VPS13C: variants seen among roughly 807,000 people sequenced by gnomAD.
VPS13C encodes the protein intermembrane lipid transfer protein VPS13C.
In VPS13C, 358 loss-of-function variants were observed where a neutral mutation model predicts 456.8. The ratio of observed to expected loss-of-function variants is 0.78; its 90% CI spans 0.72 to 0.86. The LOEUF is 0.86. VPS13C is among the 40% of genes least tolerant of loss of function. The pLI is 0.00. For synonymous variants in VPS13C, 1,578 were observed against 1,486.7 expected, an observed-to-expected ratio of 1.06 and a Z score of -1.41; for missense variants, 4,818 against 4,385.4, an observed-to-expected ratio of 1.10 and a Z score of -2.79.
chr15:62,009,265 C>T (rs1174744689), intron 13 of VPS13C, among the ~76,000 whole-genome samples: 1 of 151,898 alleles, frequency 6.6e-6, no homozygotes, highest in Non-Finnish European at 1.5e-5. Context: ...TTTAAGCAGC[C>T]ATCTTACCAT....
chr15:61,873,142 C>T, intron 78 of VPS13C, 104 bp downstream of exon 78: 1 of 1,493,010 alleles, frequency 6.7e-7, no homozygotes, highest in Non-Finnish European at 9.0e-7. Flanking sequence ...CTTTCTATTC[C>T]TACAGGCCTA....
At chr15:61,877,821 T>C (rs1218298542) in intron 74 of VPS13C, among the ~76,000 whole-genome samples, 2 of 151,966 alleles carry the variant, frequency 1.3e-5, no homozygotes, top group East Asian at 1.9e-4. Flanking sequence ...CTTTGATAAA[T>C]AATAACGCCA....
intron 78 of VPS13C, among the ~76,000 whole-genome samples, chr15:61,872,775 C>A (rs760678326): frequency 2.0e-5 from 3 of 151,968 alleles, no homozygotes; most frequent in Non-Finnish European, 4.4e-5. Flanking sequence ...CTTTTAAGTT[C>A]TTATAATTAT....
chr15:61,933,698 T>G (rs902121994), intron 49 of VPS13C, among the ~76,000 whole-genome samples: 9 of 152,052 alleles, frequency 5.9e-5, no homozygotes, highest in Non-Finnish European at 1.5e-5. Flanking sequence ...TTAGTTCAAA[T>G]CATCATGGCA....
In VPS13C at chr15:62,041,358, C is replaced by T; in HGVS notation, c.153G>A (p.Leu51=). 2 of 1,605,448 alleles carry T rather than the reference C, an allele frequency of 1.2e-6. No individual in the cohort carries two copies. The highest frequency in any genetic ancestry group is 1.7e-6 in the Non-Finnish European group (2 of 1,177,926). Reference sequence around the variant, plus strand: ...CAGCCTTGACTTTAAAAGGAACATCCAATTCACTCTTCAGAAGAAAGAGAA... The same window carrying T: ...CAGCCTTGACTTTAAAAGGAACATCTAATTCACTCTTCAGAAGAAAGAGAA... ...LQIKENALSE[L]DVPFKVKAGQ... Residue 51 remains leucine, a synonymous_variant, in exon 3 of 85, where the codon TTG becomes TTA. Transcript: ENST00000644861.
At chr15:62,060,200 G>A (rs2048953154) in intron 1 of VPS13C, 75 bp downstream of exon 1, 3 of 805,202 alleles carry the variant, frequency 3.7e-6, no homozygotes, top group Non-Finnish European at 6.0e-6. Flanking sequence ...CAGGGCCCGG[G>A]CAGAATCCCG....
rs1211715604 is a variant in VPS13C, at chr15:61,883,733, C to T, written c.9483+395G>A. 1.7e-4 allele frequency among the ~76,000 whole-genome samples: 26 copies of T among 152,068 alleles called. 1 individual carries two copies. In the East Asian group the frequency reaches 1.7e-3, roughly 10 times the overall value. ...CCTCAATGAAATATGTAATTTTACA[C>T]GGTCTTTATTTAGCAATATATATTG... On this transcript the variant is annotated intron_variant, in intron 68 of 84. Coordinates refer to ENST00000644861, the MANE Select transcript of VPS13C (RefSeq NM_020821.3).
At chr15:62,022,189 C>T (rs2047487023) in intron 8 of VPS13C, among the ~76,000 whole-genome samples, 1 of 151,824 alleles carries the variant, frequency 6.6e-6, no homozygotes, top group African/African-American at 2.4e-5. Flanking sequence ...TCCAAGCCCC[C>T]TAGTGGATGT....
At chr15:61,926,962 T>C (rs2043870061) in intron 52 of VPS13C, 129 bp downstream of exon 52, 9 of 812,610 alleles carry the variant, frequency 1.1e-5, no homozygotes, top group South Asian at 7.4e-5. Context: ...AATATCTTTA[T>C]ATGTAAAACC....
At chr15:61,978,478 A>T in intron 23 of VPS13C, 148 bp downstream of exon 23, 1 of 878,864 alleles carries the variant, frequency 1.1e-6, no homozygotes, top group Non-Finnish European at 1.6e-6. Context: ...TTACACTGAT[A>T]GTGTCCTACA....
At chr15:61,872,156 T>A in intron 78 of VPS13C, 122 bp from the exon 79 acceptor site, 1 of 716,578 alleles carries the variant, frequency 1.4e-6, no homozygotes, top group Non-Finnish European at 2.3e-6. Flanking sequence ...ATTGAAGACT[T>A]AACTTGATAA....
rs1439106782 is a variant in VPS13C at position 61,915,644 on chromosome 15, T to G, written c.8434A>C (p.Thr2812Pro). 1 of 1,590,776 alleles carries G rather than the reference T, an allele frequency of 6.3e-7. No individual in the cohort carries two copies. The highest frequency in any genetic ancestry group is 1.2e-5 in the South Asian group (1 of 85,916). Residue 2812 changes from threonine (T) to proline (P), a missense_variant, in exon 61 of 85, where the codon ACT becomes CCT. Transcript: ENST00000644861. ...GAACAAAACCACACCTTATTTTTAG[T>G]AAAAATGTTCTTCTTCTTGAAAGAA... ...LFSFKKKNIF[T>P]KNKVQLKIST...
At chr15:61,987,820 T>A in intron 18 of VPS13C, among the ~76,000 whole-genome samples, 1 of 152,144 alleles carries the variant, frequency 6.6e-6, no homozygotes, top group Non-Finnish European at 1.5e-5. Flanking sequence ...GGAGAAGTGT[T>A]TGCCAGTTTT....
At chr15:61,940,057 C>T (rs527745304) in intron 47 of VPS13C, among the ~76,000 whole-genome samples, 1 of 151,240 alleles carries the variant, frequency 6.6e-6, no homozygotes, top group South Asian at 2.1e-4. Context: ...AATGGTAACA[C>T]CTTTCTAATT....
At chr15:61,949,277 A>G (rs571832158) in intron 42 of VPS13C, among the ~76,000 whole-genome samples, 166 bp downstream of exon 42, 4 of 152,334 alleles carry the variant, frequency 2.6e-5, no homozygotes, top group African/African-American at 9.6e-5. Context: ...ATTCCTCACT[A>G]AACTGCTCTA....
chr15:61,962,991 A>G (rs1334199521), intron 32 of VPS13C, 139 bp from the exon 33 acceptor site: 1 of 538,640 alleles, frequency 1.9e-6, no homozygotes, highest in African/African-American at 1.9e-5. Flanking sequence ...ATAAGTTGCA[A>G]TATTAGAGTT....
chr15:61,997,368 C>A (rs561297545), intron 16 of VPS13C, among the ~76,000 whole-genome samples: 3 of 152,256 alleles, frequency 2.0e-5, no homozygotes, highest in African/African-American at 7.2e-5. Flanking sequence ...TCTTCTCTAG[C>A]TATTCTAATT....
rs2047425791 is a variant in VPS13C, at chr15:62,020,539, C to T, written c.625-1G>A. ...AAAGAGGCCGCTTTGGATCAGTGAC[C>T]TACCAAAGAAGAAAAGATAACAGTA... On this transcript the variant is annotated splice_acceptor_variant, in intron 8 of 84. Coordinates refer to ENST00000644861, the MANE Select transcript of VPS13C (RefSeq NM_020821.3). LOFTEE classifies it high-confidence loss of function. 6.2e-7 allele frequency: 1 copy of T among 1,611,024 alleles called. No individual in the cohort carries two copies.
At position 61,934,241 on chromosome 15, in the gene VPS13C, A is replaced by C. The variant is rs770569293; in HGVS notation, c.5846T>G (p.Leu1949Arg). 2.5e-6 allele frequency: 4 copies of C among 1,588,708 alleles called. No individual in the cohort carries two copies. The highest frequency in any genetic ancestry group is 2.6e-6 in the Non-Finnish European group (3 of 1,166,012). ...TACCTGGTTGATATCATTGTTATAA[A>C]GGATAATGGAAAGAGATTCAAAGTG... ...DFHFESLSII[L>R]YNNDINQESG... Residue 1949 changes from leucine (L) to arginine (R), a missense_variant, in exon 49 of 85, where the codon CTT becomes CGT. By Grantham distance (102) the Leu-to-Arg change is moderately radical. This residue lies in a region of VPS13C where 4,552 missense variants were observed against 4,130.6 expected (regional missense o/e 1.10). Transcript: ENST00000644861.
Sources: allele counts gnomAD v4.1 joint callset (sites outside exome capture counted in the v4.1 genomes callset), GRCh38; gene constraint gnomAD v4.1.1; regional missense constraint gnomAD v4.1.1; transcripts MANE v1.5; gene names NCBI Gene and HGNC (gene_info 2026-07-23, HGNC 2026-07-21).